Variants in SUSD3 observed in about 807,000 individuals in gnomAD.
SUSD3 encodes the protein sushi domain-containing protein 3.
In SUSD3, 18 loss-of-function variants were observed where a neutral mutation model predicts 20.6. That is an observed-to-expected ratio of 0.87 (90% CI 0.60 to 1.30). SUSD3 has a LOEUF of 1.30. SUSD3 is among the 50% of genes most tolerant of loss of function. The pLI, the probability that SUSD3 is intolerant of heterozygous loss-of-function variation, is 0.00. For missense variants in SUSD3, 306 were observed against 346.9 expected (o/e 0.88, Z 0.94); for synonymous variants, 137 against 141.5 (o/e 0.97, Z 0.23).
intron 1 of SUSD3, among the ~76,000 whole-genome samples, chr9:93,059,414 A>C (rs1233277269): frequency 1.3e-5 from 2 of 152,162 alleles, no homozygotes; most frequent in African/African-American, 2.4e-5. Flanking sequence ...TGGAAGGAAG[A>C]GAAGCTGCTT....
rs374408066 is a variant in SUSD3, at chr9:93,079,558, C to T, written c.513C>T (p.Pro171=). ...TTGGCCTCAAGCACTTCAACAAACCCGTGAGCGGGCCCAGCCAGGCGCACG... is the reference window on the plus strand; with the variant it reads ...TTGGCCTCAAGCACTTCAACAAACCTGTGAGCGGGCCCAGCCAGGCGCACG... ...AYLGLKHFNK[P]VSGPSQAHDN... Residue 171 remains proline, a synonymous_variant, in exon 4 of 5, where the codon CCC becomes CCT. Coordinates refer to ENST00000375472, the MANE Select transcript of SUSD3 (RefSeq NM_145006.4). 102 of 1,614,060 alleles carry T rather than the reference C, an allele frequency of 6.3e-5. 1 individual carries two copies. The South Asian group carries it at 1.0e-3, about 16-fold the overall frequency.
intron 1 of SUSD3, among the ~76,000 whole-genome samples, chr9:93,065,359 G>A (rs570835434): frequency 1.8e-4 from 27 of 152,234 alleles, no homozygotes; most frequent in African/African-American, 5.5e-4. Flanking sequence ...ATGAATTCAC[G>A]TTCATCCATT....
chr9:93,065,605 G>A (rs1025370535), intron 1 of SUSD3, among the ~76,000 whole-genome samples: 1 of 152,230 alleles, frequency 6.6e-6, no homozygotes, highest in Non-Finnish European at 1.5e-5. Context: ...AGGGGGCCAC[G>A]TGGCCAGCCC....
At chr9:93,073,877 A>G (rs1046600601) in intron 1 of SUSD3, among the ~76,000 whole-genome samples, 4 of 152,120 alleles carry the variant, frequency 2.6e-5, no homozygotes, top group African/African-American at 9.7e-5. Context: ...GTTAGACCAG[A>G]GCCTCCTTGT....
chr9:93,076,544 A>C (rs1396920055), intron 2 of SUSD3, among the ~76,000 whole-genome samples: 3 of 152,122 alleles, frequency 2.0e-5, no homozygotes, highest in African/African-American at 7.2e-5. Context: ...ACATTTCCAA[A>C]ATGAAGCTAT....
chr9:93,076,097 G>A lies in SUSD3; in HGVS notation c.277+125G>A, dbSNP rs1435735783. The A allele has an allele frequency of 5.0e-6, 4 of 806,694 alleles. No individual in the cohort carries two copies. In the African/African-American group the frequency reaches 7.1e-5, roughly 14 times the overall value. The allele number at this position is 806,694 out of a possible 1,614,324, so 50.0% of individuals were successfully genotyped here. ...CACAAGCAGCTAGGCCAGTGTGTAG[G>A]GTCCCATTCCCAACACTGACAGCTT... On this transcript the variant is annotated intron_variant, in intron 2 of 4. Coordinates refer to ENST00000375472, the MANE Select transcript of SUSD3 (RefSeq NM_145006.4).
Position 93,079,515 on chromosome 9 carries a change from C to A in SUSD3, c.470C>A (p.Thr157Lys). 6.2e-7 allele frequency: 1 copy of A among 1,614,096 alleles called. No homozygotes were observed. The highest frequency in any genetic ancestry group is 2.2e-5 in the East Asian group (1 of 44,888). ...WSQLKDEDLE[T>K]VQAAYLGLKH... ...CAGCTGAAAGATGAGGACTTGGAGA[C>A]GGTGCAGGCCGCATACCTTGGCCTC... Residue 157 changes from threonine to lysine, a missense_variant, in exon 4 of 5, where the codon ACG (threonine) becomes AAG (lysine). Transcript: ENST00000375472.
At chr9:93,083,424 A>G (rs1264413079) in intron 4 of SUSD3, among the ~76,000 whole-genome samples, 1 of 152,234 alleles carries the variant, frequency 6.6e-6, no homozygotes, top group African/African-American at 2.4e-5. Context: ...GGCAGGGCCC[A>G]GGCTGCCTCC....
At chr9:93,078,952 A>C (rs1238308920) in intron 3 of SUSD3, among the ~76,000 whole-genome samples, 2 of 151,860 alleles carry the variant, frequency 1.3e-5, no homozygotes, top group Non-Finnish European at 2.9e-5. Flanking sequence ...AGCGCCCGCC[A>C]CCATGCTCAG....
intron 4 of SUSD3, among the ~76,000 whole-genome samples, chr9:93,082,096 T>TA (rs1372346563): frequency 6.6e-6 from 1 of 152,252 alleles, no homozygotes; most frequent in Non-Finnish European, 1.5e-5. Flanking sequence ...ATTTGTTTCT[T>TA]ACAGTAGCTA....
At chr9:93,069,210 C>A (rs1020518056) in intron 1 of SUSD3, 2 of 693,242 alleles carry the variant, frequency 2.9e-6, no homozygotes, top group African/African-American at 3.5e-5. Context: ...TCCCGCTCCA[C>A]CCCGCCTGGG....
In SUSD3 at chr9:93,084,820, C is replaced by G; in HGVS notation, c.*73C>G. Reference sequence around the variant, plus strand: ...GACCCCACCAGCCAGTCAGCTACAACTCCACATCAACTCCACATGCGCCCA... The same window carrying G: ...GACCCCACCAGCCAGTCAGCTACAAGTCCACATCAACTCCACATGCGCCCA... On this transcript the variant is annotated 3_prime_UTR_variant, in exon 5 of 5. Coordinates refer to ENST00000375472, the MANE Select transcript of SUSD3 (RefSeq NM_145006.4). The G allele has an allele frequency of 7.6e-7, 1 of 1,317,062 alleles. No homozygotes were observed. The highest frequency in any genetic ancestry group is 1.0e-6 in the Non-Finnish European group (1 of 990,472). 81.6% of individuals were successfully genotyped at this position (1,317,062 alleles called of 1,614,324 possible).
chr9:93,065,295 C>T (rs759003013), intron 1 of SUSD3, among the ~76,000 whole-genome samples: 1 of 152,232 alleles, frequency 6.6e-6, no homozygotes, highest in Non-Finnish European at 1.5e-5. Flanking sequence ...TCCCTTGGTC[C>T]ACCCCTCCAG....
At chr9:93,068,849 C>T (rs1564187459) in intron 1 of SUSD3, among the ~76,000 whole-genome samples, 1 of 151,214 alleles carries the variant, frequency 6.6e-6, no homozygotes, top group Non-Finnish European at 1.5e-5. Context: ...TCAGTGCATG[C>T]CTGAAACTTC....
intron 3 of SUSD3, among the ~76,000 whole-genome samples, chr9:93,078,557 C>T (rs373702777): frequency 2.0e-5 from 3 of 151,356 alleles, no homozygotes; most frequent in African/African-American, 7.3e-5. Context: ...CCACCGCGCC[C>T]GGCCCGTTTT....
At chr9:93,073,442 G>A (rs1221763723) in intron 1 of SUSD3, among the ~76,000 whole-genome samples, 2 of 152,044 alleles carry the variant, frequency 1.3e-5, no homozygotes, top group African/African-American at 4.8e-5. Flanking sequence ...TAAAGACGGG[G>A]TTTCACCGTG....
intron 1 of SUSD3, among the ~76,000 whole-genome samples, chr9:93,074,738 C>T (rs1826059510): frequency 6.6e-6 from 1 of 151,376 alleles, no homozygotes; most frequent in African/African-American, 2.4e-5. Context: ...CCTCAGCCTC[C>T]TGAGTAGCTG....
chr9:93,065,750 G>A lies in SUSD3; in HGVS notation c.88+6920G>A, dbSNP rs141598901. 5.3e-3 allele frequency among the ~76,000 whole-genome samples: 814 copies of A among 152,360 alleles called. 4 individuals are homozygous for A. Among genetic ancestry groups the A allele is most frequent in the Non-Finnish European group, 9.0e-3 (609 of 68,038 alleles). On this transcript the variant is annotated intron_variant, in intron 1 of 4. Coordinates refer to ENST00000375472, the MANE Select transcript of SUSD3 (RefSeq NM_145006.4). Reference sequence around the variant, plus strand: ...CTGGCCCTTGGGGAGTGCTGATCACGACTCTTGCCTGTGAGGTGAGGCTGC... The same window carrying A: ...CTGGCCCTTGGGGAGTGCTGATCACAACTCTTGCCTGTGAGGTGAGGCTGC...
At chr9:93,081,507 C>T (rs1472958771) in intron 4 of SUSD3, among the ~76,000 whole-genome samples, 1 of 152,142 alleles carries the variant, frequency 6.6e-6, no homozygotes, top group Non-Finnish European at 1.5e-5. Context: ...GTGTGTGCCT[C>T]TCTCGCCAGG....
Sources: allele counts gnomAD v4.1 joint callset (sites outside exome capture counted in the v4.1 genomes callset), GRCh38; gene constraint gnomAD v4.1.1; transcripts MANE v1.5; gene names NCBI Gene and HGNC (gene_info 2026-07-23, HGNC 2026-07-21).